The following ZDHHC5 variants were observed in gnomAD, a reference collection of about 807,000 sequenced individuals.
ZDHHC5 encodes zDHHC palmitoyltransferase 5.
Under a neutral mutation model 70.0 loss-of-function variants are expected in ZDHHC5, and 22 were observed. The observed-to-expected ratio is 0.31, with a 90% CI of 0.22 to 0.45. The LOEUF (loss-of-function observed/expected upper bound fraction) is 0.45. ZDHHC5 is among the 20% of genes least tolerant of loss of function. ZDHHC5 has a pLI of 1.00. For synonymous variants in ZDHHC5, 313 were observed against 347.8 expected, an observed-to-expected ratio of 0.90 and a Z score of 1.11; for missense variants, 746 against 926.9, an observed-to-expected ratio of 0.80 and a Z score of 2.53.
At chr11:57,683,093 C>T (rs1946167964) in intron 3 of ZDHHC5, among the ~76,000 whole-genome samples, 1 of 152,174 alleles carries the variant, frequency 6.6e-6, no homozygotes, top group African/African-American at 2.4e-5. Context: ...GCAGAGGAAA[C>T]AGCACATGCA....
intron 3 of ZDHHC5, among the ~76,000 whole-genome samples, chr11:57,684,289 T>A (rs1028655173): frequency 2.6e-5 from 4 of 152,156 alleles, no homozygotes; most frequent in Admixed American, 6.6e-5. Context: ...ATTACTCTTT[T>A]AAGAAGTAAG....
intron 8 of ZDHHC5, among the ~76,000 whole-genome samples, chr11:57,695,279 G>T (rs1946335555): frequency 6.6e-6 from 1 of 151,984 alleles, no homozygotes; most frequent in South Asian, 2.1e-4. Context: ...AATTAGCCAG[G>T]TGTGGTGGCA....
chr11:57,682,757 T>G (rs1284459838), intron 3 of ZDHHC5, among the ~76,000 whole-genome samples: 3 of 152,208 alleles, frequency 2.0e-5, no homozygotes, highest in Non-Finnish European at 2.9e-5. Flanking sequence ...TCAGGGTCTT[T>G]AGGAATATAT....
intron 2 of ZDHHC5, among the ~76,000 whole-genome samples, chr11:57,680,586 T>C (rs1470804801): frequency 6.6e-6 from 1 of 152,222 alleles, no homozygotes; most frequent in Admixed American, 6.5e-5. Context: ...ATTTAATTTC[T>C]TTTTCCCTTC....
chr11:57,689,675 CA>C (rs1205153976), intron 4 of ZDHHC5, among the ~76,000 whole-genome samples: 1 of 141,246 alleles, frequency 7.1e-6, no homozygotes, highest in African/African-American at 2.7e-5. Flanking sequence ...CGCGCCCGGC[CA>C]ATTTTTTTTT....
intron 2 of ZDHHC5, among the ~76,000 whole-genome samples, chr11:57,679,493 CAGG>C (rs1279859025): frequency 6.6e-6 from 1 of 152,156 alleles, no homozygotes; most frequent in Non-Finnish European, 1.5e-5. Flanking sequence ...GTCTTGAAAA[CAGG>C]AGTGCTGAAT....
chr11:57,697,084 A>G (rs1383277811), intron 10 of ZDHHC5, among the ~76,000 whole-genome samples: 1 of 151,640 alleles, frequency 6.6e-6, no homozygotes, highest in Non-Finnish European at 1.5e-5. Flanking sequence ...TAATCCCAGC[A>G]CTTTGGGAGG....
chr11:57,668,277 G>T, intron 1 of ZDHHC5, 90 bp downstream of exon 1: 1 of 321,588 alleles, frequency 3.1e-6, no homozygotes, highest in East Asian at 4.8e-5. Flanking sequence ...AAGGGGGACC[G>T]AAGACGGGGA....
chr11:57,689,289 G>A (rs1946250193), intron 4 of ZDHHC5, among the ~76,000 whole-genome samples: 1 of 152,042 alleles, frequency 6.6e-6, no homozygotes, highest in Non-Finnish European at 1.5e-5. Context: ...TGATGTTTCT[G>A]CAAAACCTCT....
At position 57,690,455 on chromosome 11, in the gene ZDHHC5, G is replaced by C. The variant is rs761066199; in HGVS notation, c.660+18G>C. On this transcript the variant is annotated intron_variant, in intron 6 of 11. Coordinates refer to ENST00000287169, the MANE Select transcript of ZDHHC5 (RefSeq NM_015457.3). Reference sequence around the variant, plus strand: ...ATGAACAGGTATGGAGAAAAGTGACGAGAGACCCCTGAAGAGCAGGTCATG... The same window carrying C: ...ATGAACAGGTATGGAGAAAAGTGACCAGAGACCCCTGAAGAGCAGGTCATG... 2.5e-6 allele frequency: 4 copies of C among 1,613,404 alleles called. No homozygotes were observed. The highest frequency in any genetic ancestry group is 3.4e-6 in the Non-Finnish European group (4 of 1,179,704).
intron 2 of ZDHHC5, among the ~76,000 whole-genome samples, chr11:57,679,959 A>G (rs1425213627): frequency 6.6e-6 from 1 of 152,218 alleles, no homozygotes; most frequent in African/African-American, 2.4e-5. Flanking sequence ...TATTTTGGCA[A>G]CAGATACTGG....
intron 7 of ZDHHC5, among the ~76,000 whole-genome samples, 168 bp from the exon 8 acceptor site, chr11:57,693,615 C>T (rs1314502275): frequency 2.0e-5 from 3 of 152,182 alleles, no homozygotes; most frequent in Non-Finnish European, 4.4e-5. Context: ...CTGCTGCAGT[C>T]CTTCACAGAA....
intron 3 of ZDHHC5, among the ~76,000 whole-genome samples, chr11:57,685,099 GATTGTGCC>G (rs1166908725): frequency 1.3e-5 from 2 of 152,138 alleles, no homozygotes; most frequent in African/African-American, 4.8e-5. Context: ...AGTGAGCCGA[GATTGTGCC>G]ATTGCACTCC....
At position 57,696,786 on chromosome 11, in the gene ZDHHC5, C is replaced by T. The variant is rs1273377259; in HGVS notation, c.1035C>T (p.Ser345=). 5.6e-6 allele frequency: 9 copies of T among 1,613,552 alleles called. No individual in the cohort carries two copies. Among genetic ancestry groups the T allele is most frequent in the Non-Finnish European group, 7.6e-6 (9 of 1,179,674 alleles). Residue 345 remains serine, a synonymous_variant, in exon 10 of 12, where the codon AGC becomes AGT. Transcript: ENST00000287169. ...NEDSSLLAKD[S]PPTPTMYKYR... Reference sequence around the variant, plus strand: ...ATAGTAGCTTATTGGCCAAGGACAGCCCCCCGACACCTACCATGTACAAGT... The same window carrying T: ...ATAGTAGCTTATTGGCCAAGGACAGTCCCCCGACACCTACCATGTACAAGT...
At chr11:57,691,513 A>G (rs562656233) in intron 6 of ZDHHC5, among the ~76,000 whole-genome samples, 1 of 152,266 alleles carries the variant, frequency 6.6e-6, no homozygotes, top group African/African-American at 2.4e-5. Flanking sequence ...TATATTTTAT[A>G]ACAAAATAAT....
In ZDHHC5 at chr11:57,686,819, T is replaced by TTG. The variant is rs1305757950; in HGVS notation, c.227-1675_227-1674dup. ...TATACCATGTATCTGCAGTATATAT[T>TTG]TGTGTGTGTGTGTGTTTTTTTTTTT... is the stretch of plus-strand genomic sequence containing the variant. On this transcript the variant is annotated intron_variant, in intron 3 of 11. Coordinates refer to ENST00000287169, the MANE Select transcript of ZDHHC5 (RefSeq NM_015457.3). Among the ~76,000 whole-genome samples, 509 of 149,686 alleles carry TTG rather than the reference T, an allele frequency of 3.4e-3. 5 individuals carry two copies. Among genetic ancestry groups the TTG allele is most frequent in the African/African-American group, 0.012 (474 of 40,650 alleles).
chr11:57,671,790 C>G (rs2911726), intron 1 of ZDHHC5, among the ~76,000 whole-genome samples: 7,553 of 152,202 alleles, frequency 0.05, 653 homozygotes, highest in African/African-American at 0.17. Flanking sequence ...CTTTGATGTC[C>G]TTTGGCCAGG....
At position 57,673,072 on chromosome 11, in the gene ZDHHC5, T is replaced by C; in HGVS notation, c.-19T>C. On this transcript the variant is annotated 5_prime_UTR_variant, in exon 2 of 12. Coordinates refer to ENST00000287169, the MANE Select transcript of ZDHHC5 (RefSeq NM_015457.3). ...GCCTGGGCTATGCGGCAGGGCAGAT[T>C]TCCCATCAGAGCTCCAACATGCCCG... The C allele has an allele frequency of 6.2e-7, 1 of 1,613,390 alleles. No individual in the cohort carries two copies. Among genetic ancestry groups the C allele is most frequent in the Non-Finnish European group, 8.5e-7 (1 of 1,179,450 alleles).
chr11:57,689,412 C>G (rs1452300594), intron 4 of ZDHHC5, among the ~76,000 whole-genome samples: 1 of 151,816 alleles, frequency 6.6e-6, no homozygotes, highest in Non-Finnish European at 1.5e-5. Flanking sequence ...GAGTCTCGCT[C>G]TGTTGCCCAG....
Sources: gnomAD v4.1 joint callset for allele counts (sites outside exome capture counted in the v4.1 genomes callset) on GRCh38, gnomAD v4.1.1 for gene constraint, MANE v1.5 for transcripts, NCBI Gene and HGNC (gene_info 2026-07-23, HGNC 2026-07-21) for gene names.